Variants in MCPH1 observed in about 807,000 individuals in gnomAD.
MCPH1 encodes microcephalin.
In MCPH1, 104 loss-of-function variants were observed where a neutral mutation model predicts 84.5. The ratio of observed to expected loss-of-function variants is 1.23; its 90% CI spans 1.05 to 1.45. The LOEUF is 1.45. MCPH1 is among the 40% of genes most tolerant of loss of function. MCPH1 has a pLI of 0.00. For missense variants in MCPH1, 1,498 were observed against 1,005.7 expected, an observed-to-expected ratio of 1.49 and a Z score of -6.62; for synonymous variants, 514 against 366.8, an observed-to-expected ratio of 1.40 and a Z score of -4.58.
chr8:6,581,667 T>C (rs1032037922), intron 12 of MCPH1, among the ~76,000 whole-genome samples: 2 of 152,234 alleles, frequency 1.3e-5, no homozygotes, highest in African/African-American at 4.8e-5. Flanking sequence ...TCCATAGTCT[T>C]AGAGAAAGTT....
chr8:6,434,454 C>A (rs1462421502), intron 4 of MCPH1, among the ~76,000 whole-genome samples: 3 of 152,198 alleles, frequency 2.0e-5, no homozygotes, highest in African/African-American at 7.2e-5. Flanking sequence ...CATTTTGTGT[C>A]ATGCAGGTAC....
chr8:6,484,820 A>G (rs931605378), intron 11 of MCPH1, among the ~76,000 whole-genome samples: 9 of 152,184 alleles, frequency 5.9e-5, no homozygotes, highest in Admixed American at 3.3e-4. Context: ...AGGCCAAACT[A>G]TAGGGAAGGA....
At chr8:6,487,945 A>G (rs1484063992) in intron 11 of MCPH1, among the ~76,000 whole-genome samples, 1 of 152,214 alleles carries the variant, frequency 6.6e-6, no homozygotes, top group Non-Finnish European at 1.5e-5. Flanking sequence ...GATCTTAGAA[A>G]CACATCTCTG....
chr8:6,446,438 A>G, intron 8 of MCPH1: 1 of 984,378 alleles, frequency 1.0e-6, no homozygotes, highest in South Asian at 4.7e-5. Context: ...CAGACATGTT[A>G]CATACCTTTT....
intron 12 of MCPH1, among the ~76,000 whole-genome samples, chr8:6,525,285 G>A (rs983717826): frequency 1.3e-5 from 2 of 152,138 alleles, no homozygotes; most frequent in African/African-American, 4.8e-5. Context: ...GGAGAGATGG[G>A]GGTCTGTCTT....
chr8:6,569,656 C>A (rs1826497867), intron 12 of MCPH1, among the ~76,000 whole-genome samples: 1 of 152,188 alleles, frequency 6.6e-6, no homozygotes, highest in South Asian at 2.1e-4. Flanking sequence ...ATTCCCTTAG[C>A]CAAGTGCCTG....
intron 12 of MCPH1, among the ~76,000 whole-genome samples, chr8:6,537,524 G>C (rs780263128): frequency 2.0e-5 from 3 of 149,726 alleles, no homozygotes; most frequent in Non-Finnish European, 4.4e-5. Context: ...CAAGCAACCA[G>C]GATGAAATAT....
intron 12 of MCPH1, among the ~76,000 whole-genome samples, chr8:6,567,011 A>G (rs2515510): frequency 0.96 from 104,923 of 109,342 alleles, 50,555 homozygotes; most frequent in Non-Finnish European, 0.98. Flanking sequence ...GCAAGGCCAT[A>G]GATAGTGCAC....
chr8:6,454,243 G>T (rs1181171492), intron 8 of MCPH1, among the ~76,000 whole-genome samples: 1 of 152,130 alleles, frequency 6.6e-6, no homozygotes, highest in African/African-American at 2.4e-5. Flanking sequence ...ACTATATCTT[G>T]TGCATTTTGC....
At chr8:6,544,540 G>C (rs768240156) in intron 12 of MCPH1, among the ~76,000 whole-genome samples, 2 of 152,074 alleles carry the variant, frequency 1.3e-5, no homozygotes, top group Non-Finnish European at 2.9e-5. Flanking sequence ...AGTCATTTTC[G>C]GAGAGAGTTT....
chr8:6,574,209 C>G (rs1443040756), intron 12 of MCPH1, among the ~76,000 whole-genome samples: 1 of 152,194 alleles, frequency 6.6e-6, no homozygotes. Context: ...GGAATTTATT[C>G]TCACAGCTCT....
At chr8:6,421,938 T>C (rs984570091) in intron 3 of MCPH1, among the ~76,000 whole-genome samples, 2 of 152,246 alleles carry the variant, frequency 1.3e-5, no homozygotes, top group East Asian at 1.9e-4. Context: ...GTCTTCCTGA[T>C]TCTAAACCCA....
chr8:6,464,736 G>A (rs989352750), intron 9 of MCPH1, among the ~76,000 whole-genome samples: 1 of 152,192 alleles, frequency 6.6e-6, no homozygotes, highest in Non-Finnish European at 1.5e-5. Context: ...GGTGGCTCAC[G>A]CCTATAATCC....
chr8:6,417,177 C>G (rs1799430840), intron 3 of MCPH1, among the ~76,000 whole-genome samples: 1 of 152,152 alleles, frequency 6.6e-6, no homozygotes, highest in South Asian at 2.1e-4. Flanking sequence ...ATTTCTTCAT[C>G]TATCTTTTCT....
chr8:6,620,291 T>G (rs1831278045), intron 12 of MCPH1: 2 of 152,232 alleles, frequency 1.3e-5, no homozygotes, highest in African/African-American at 4.8e-5. Flanking sequence ...GTATCGGATC[T>G]ACTCCATTGA....
chr8:6,431,811 G>T (rs370758117), intron 4 of MCPH1, among the ~76,000 whole-genome samples: 5 of 152,204 alleles, frequency 3.3e-5, no homozygotes, highest in East Asian at 3.9e-4. Context: ...CCTGTGGTTG[G>T]CCATGGGAAG....
rs145504115 is a variant in MCPH1, at chr8:6,637,287, CA to C, written c.2453-5706del. ...CTGGTGGTAAATGCAATGAAGAAAA[CA>C]GGGTGAGTATAGAGAGGAGGAGTGA... On this transcript the variant is annotated intron_variant, in intron 13 of 13. Transcript: ENST00000344683. Among the ~76,000 whole-genome samples, 453 of 152,184 alleles carry C rather than the reference CA, an allele frequency of 3.0e-3. 4 individuals carry two copies. Among genetic ancestry groups the C allele is most frequent in the African/African-American group, 0.01 (426 of 41,508 alleles).
chr8:6,615,805 CAG>C (rs925474286), intron 12 of MCPH1: 2 of 152,072 alleles, frequency 1.3e-5, no homozygotes, highest in Non-Finnish European at 2.9e-5. Flanking sequence ...TTGATGAGGA[CAG>C]AGTCTATTTA....
intron 3 of MCPH1, among the ~76,000 whole-genome samples, chr8:6,425,483 A>C (rs888100397): frequency 1.3e-5 from 2 of 152,190 alleles, no homozygotes; most frequent in African/African-American, 4.8e-5. Flanking sequence ...TACCAGCAGT[A>C]AGTGCCACTT....
Sources: gnomAD v4.1 joint callset for allele counts (sites outside exome capture counted in the v4.1 genomes callset) on GRCh38, gnomAD v4.1.1 for gene constraint, MANE v1.5 for transcripts, NCBI Gene and HGNC (gene_info 2026-07-23, HGNC 2026-07-21) for gene names.